The following SKI variants were observed in gnomAD, a reference collection of about 807,000 sequenced individuals.
SKI encodes the protein ski oncogene.
SKI carries 23 observed loss-of-function variants against 59.3 expected under a neutral mutation model. The observed-to-expected ratio is 0.39, with a 90% confidence interval of 0.28 to 0.55. The LOEUF is 0.55. Among genes scored for constraint, SKI ranks in the 20% least tolerant of loss-of-function variants. The pLI, the probability that SKI is intolerant of heterozygous loss-of-function variation, is 0.67. For synonymous variants in SKI, 673 were observed against 488.6 expected (o/e 1.38, Z -4.98); for missense variants, 1,017 against 1,038.9 (o/e 0.98, Z 0.29).
intron 1 of SKI, among the ~76,000 whole-genome samples, chr1:2,300,990 G>A (rs533682215): frequency 6.6e-6 from 1 of 152,354 alleles, no homozygotes; most frequent in African/African-American, 2.4e-5. Context: ...GGTGGCCTGA[G>A]GCATCTGACT....
chr1:2,249,486 C>G (rs1163064038), intron 1 of SKI, among the ~76,000 whole-genome samples: 2 of 152,184 alleles, frequency 1.3e-5, no homozygotes, highest in African/African-American at 4.8e-5. Flanking sequence ...TTTGGTGGTC[C>G]CGGGTGGCCG....
rs963938179 is a variant in SKI at position 2,289,317 on chromosome 1, C to T, written c.970-13661C>T. Among the ~76,000 whole-genome samples, 15 of 152,298 alleles carry T rather than the reference C, an allele frequency of 9.8e-5. No individual in the cohort carries two copies. In the South Asian group the frequency reaches 1.2e-3, roughly 13 times the overall value. On this transcript the variant is annotated intron_variant, in intron 1 of 6. Coordinates refer to ENST00000378536, the MANE Select transcript of SKI (RefSeq NM_003036.4). The stretch of plus-strand genomic sequence containing the variant: ...ATGGCTGTTTGTCTTCATCCCTCTT[C>T]GGTGAGGGTGGCAGGCGGCCAGATG...
intron 1 of SKI, among the ~76,000 whole-genome samples, chr1:2,237,563 G>A (rs1638777979): frequency 6.6e-6 from 1 of 152,218 alleles, no homozygotes; most frequent in South Asian, 2.1e-4. Context: ...TGCCTGCTGG[G>A]AACCCCTGGT....
chr1:2,290,599 G>T (rs186817089), intron 1 of SKI, among the ~76,000 whole-genome samples: 1 of 152,320 alleles, frequency 6.6e-6, no homozygotes, highest in Admixed American at 6.5e-5. Flanking sequence ...TTTTCTGTGC[G>T]CTGCCGTGTG....
intron 1 of SKI, among the ~76,000 whole-genome samples, chr1:2,251,293 A>G (rs1639142377): frequency 6.6e-6 from 1 of 151,410 alleles, no homozygotes; most frequent in Non-Finnish European, 1.5e-5. Context: ...TCTTTTATTT[A>G]TTTATTTTTT....
At chr1:2,233,838 G>C (rs981884596) in intron 1 of SKI, among the ~76,000 whole-genome samples, 3 of 152,120 alleles carry the variant, frequency 2.0e-5, no homozygotes, top group Middle Eastern at 3.2e-3. Flanking sequence ...CACAGGAAGG[G>C]ACAGCATCAA....
chr1:2,296,182 C>T (rs1443450952), intron 1 of SKI, among the ~76,000 whole-genome samples: 3 of 149,642 alleles, frequency 2.0e-5, no homozygotes, highest in African/African-American at 7.4e-5. Flanking sequence ...AGTTCAGGAC[C>T]AGCCAGGGCA....
At chr1:2,275,437 A>G (rs748937955) in intron 1 of SKI, among the ~76,000 whole-genome samples, 5 of 151,980 alleles carry the variant, frequency 3.3e-5, no homozygotes, top group African/African-American at 4.8e-5. Flanking sequence ...CGGTGTGGGC[A>G]GCTTTGCCCT....
chr1:2,293,505 G>A (rs1251062140), intron 1 of SKI, among the ~76,000 whole-genome samples: 2 of 151,686 alleles, frequency 1.3e-5, no homozygotes, highest in East Asian at 3.9e-4. Flanking sequence ...TTTTCTGCGT[G>A]TCTGTCCCCA....
At position 2,306,917 on chromosome 1, in the gene SKI, T is replaced by A. The variant is rs1384439560; in HGVS notation, c.*152T>A. 1 of 514,370 alleles carries A rather than the reference T, an allele frequency of 1.9e-6. No homozygotes were observed. The highest frequency in any genetic ancestry group is 2.9e-6 in the Non-Finnish European group (1 of 344,000). The allele number at this position is 514,370 out of a possible 1,614,324, so 31.9% of individuals were successfully genotyped here. A position where few individuals can be genotyped will look rare whatever the true frequency, so the allele number is the denominator to read the frequency against. Reference sequence around the variant, plus strand: ...AAGCGAGTGTTTGTAACCATGTAGTTTTGGAACCCACTGCAAAATTTTCTA... The same window carrying A: ...AAGCGAGTGTTTGTAACCATGTAGTATTGGAACCCACTGCAAAATTTTCTA... On this transcript the variant is annotated 3_prime_UTR_variant, in exon 7 of 7. Coordinates refer to ENST00000378536, the MANE Select transcript of SKI (RefSeq NM_003036.4).
At chr1:2,280,660 A>G (rs1639859534) in intron 1 of SKI, among the ~76,000 whole-genome samples, 1 of 119,504 alleles carries the variant, frequency 8.4e-6, no homozygotes, top group South Asian at 3.1e-4. Flanking sequence ...GACACCCGAG[A>G]AGACAGGCGG....
chr1:2,235,030 T>G (rs977328728), intron 1 of SKI, among the ~76,000 whole-genome samples: 6 of 126,424 alleles, frequency 4.7e-5, no homozygotes, highest in South Asian at 2.4e-4. Context: ...TGGAGCAGGG[T>G]TTTTTTTTGT....
At chr1:2,258,773 T>A (rs1223821888) in intron 1 of SKI, among the ~76,000 whole-genome samples, 1 of 152,098 alleles carries the variant, frequency 6.6e-6, no homozygotes, top group Middle Eastern at 3.2e-3. Flanking sequence ...GATCTTGAAC[T>A]CCTGACCTTG....
intron 1 of SKI, among the ~76,000 whole-genome samples, chr1:2,295,657 T>C (rs1038566323): frequency 6.6e-6 from 1 of 152,040 alleles, no homozygotes; most frequent in Non-Finnish European, 1.5e-5. Context: ...GCTGTGTGTA[T>C]GAGAGCCATG....
intron 1 of SKI, among the ~76,000 whole-genome samples, chr1:2,265,723 T>A (rs1639488317): frequency 6.6e-6 from 1 of 152,176 alleles, no homozygotes; most frequent in Non-Finnish European, 1.5e-5. Flanking sequence ...TCCTAGCACT[T>A]TGGGAGGCTG....
At chr1:2,261,874 A>AT (rs1557826555) in intron 1 of SKI, among the ~76,000 whole-genome samples, 29 of 66,842 alleles carry the variant, frequency 4.3e-4, no homozygotes, top group African/African-American at 1.7e-3. Context: ...GGACGCCCTC[A>AT]CTCCTGATCT....
chr1:2,296,038 G>A (rs1009217502), intron 1 of SKI, among the ~76,000 whole-genome samples: 3 of 152,104 alleles, frequency 2.0e-5, no homozygotes, highest in East Asian at 1.9e-4. Context: ...GTTCCTCTTA[G>A]CAATGCATAG....
intron 1 of SKI, among the ~76,000 whole-genome samples, chr1:2,284,512 C>T (rs1157766377): frequency 1.3e-5 from 2 of 152,214 alleles, no homozygotes; most frequent in Non-Finnish European, 2.9e-5. Flanking sequence ...TTCTGTGGAG[C>T]AGGGCAGATG....
At chr1:2,299,135 C>T (rs1034084241) in intron 1 of SKI, among the ~76,000 whole-genome samples, 31 of 152,244 alleles carry the variant, frequency 2.0e-4, no homozygotes, top group African/African-American at 7.5e-4. Context: ...CCGTCAGCGC[C>T]GAGTGGCCAG....
Sources: allele counts gnomAD v4.1 joint callset (sites outside exome capture counted in the v4.1 genomes callset), GRCh38; gene constraint gnomAD v4.1.1; transcripts MANE v1.5; gene names NCBI Gene and HGNC (gene_info 2026-07-23, HGNC 2026-07-21).